ATP8A2: variants seen among roughly 807,000 people sequenced by gnomAD.
ATP8A2 encodes the protein ATPase phospholipid transporting 8A2, also known as phospholipid-transporting ATPase IB.
ATP8A2 carries 100 observed loss-of-function variants against 165.6 expected under a neutral mutation model. The observed-to-expected ratio is 0.60, with a 90% CI of 0.51 to 0.71. ATP8A2 has a LOEUF of 0.71. ATP8A2 is among the 30% of genes least tolerant of loss of function. The pLI, the probability that ATP8A2 is intolerant of heterozygous loss-of-function variation, is 0.00. For missense variants in ATP8A2, 1,227 were observed against 1,479.5 expected, an observed-to-expected ratio of 0.83 and a Z score of 2.80; for synonymous variants, 543 against 548.8, an observed-to-expected ratio of 0.99 and a Z score of 0.15.
chr13:25,891,238 C>T (rs1008224285), intron 33 of ATP8A2, among the ~76,000 whole-genome samples: 6 of 152,170 alleles, frequency 3.9e-5, no homozygotes, highest in East Asian at 1.9e-4. Flanking sequence ...GGCAAAGTTA[C>T]GCCACTCGAA....
intron 24 of ATP8A2, among the ~76,000 whole-genome samples, chr13:25,614,793 C>G (rs1015454674): frequency 2.0e-5 from 3 of 152,210 alleles, no homozygotes; most frequent in African/African-American, 7.2e-5. Context: ...AGCCACCCAG[C>G]AGAGCTGCCT....
intron 33 of ATP8A2, among the ~76,000 whole-genome samples, chr13:25,959,982 G>A (rs1363212602): frequency 6.6e-6 from 1 of 152,226 alleles, no homozygotes; most frequent in African/African-American, 2.4e-5. Flanking sequence ...AGGAAAGCAA[G>A]TCCTCCCATT....
chr13:25,504,225 G>T (rs2036949996), intron 2 of ATP8A2, among the ~76,000 whole-genome samples: 1 of 152,086 alleles, frequency 6.6e-6, no homozygotes, highest in African/African-American at 2.4e-5. Flanking sequence ...TATATAAATG[G>T]TATGAGGATT....
At chr13:25,832,683 A>G (rs557250022) in intron 28 of ATP8A2, among the ~76,000 whole-genome samples, 215 of 152,352 alleles carry the variant, frequency 1.4e-3, no homozygotes, top group Non-Finnish European at 2.4e-3. Flanking sequence ...AAATAGAAAC[A>G]GAAAAAAGCC....
At chr13:25,812,798 C>T (rs1415058759) in intron 27 of ATP8A2, among the ~76,000 whole-genome samples, 1 of 152,034 alleles carries the variant, frequency 6.6e-6, no homozygotes, top group African/African-American at 2.4e-5. Flanking sequence ...ATCCTTGTTT[C>T]TATTCACACT....
chr13:25,484,822 ATTC>A (rs1269906424), intron 2 of ATP8A2, among the ~76,000 whole-genome samples: 1 of 152,180 alleles, frequency 6.6e-6, no homozygotes, highest in African/African-American at 2.4e-5. Context: ...CGGCAGGAAT[ATTC>A]TTTAAATTAT....
intron 2 of ATP8A2, among the ~76,000 whole-genome samples, chr13:25,520,787 AT>A (rs954463142): frequency 1.2e-3 from 169 of 137,442 alleles, no homozygotes; most frequent in African/African-American, 4.2e-3. Flanking sequence ...ATATATATAT[AT>A]TTTTTTTAGT....
rs762204443 is a variant in ATP8A2, at chr13:25,881,595, AAGAG to A, written c.3183+19201_3183+19204del. Among the ~76,000 whole-genome samples the A allele has an allele frequency of 6.7e-5, 10 of 149,480 alleles. No individual in the cohort carries two copies. The South Asian group carries it at 1.5e-3, about 22-fold the overall frequency. On this transcript the variant is annotated intron_variant, in intron 33 of 36. Transcript: ENST00000381655. ...TCCTCCATGGAGAGAGAGAGAGAGA[AAGAG>A]AGAGAGAGAGAGAAAGAGAGAGAGA...
intron 27 of ATP8A2, among the ~76,000 whole-genome samples, chr13:25,781,521 C>G (rs571624289): frequency 1.3e-5 from 2 of 151,910 alleles, no homozygotes; most frequent in African/African-American, 4.8e-5. Context: ...TGGAGTCTCA[C>G]TCTGTCACCC....
chr13:25,984,505 A>G (rs1044788335), intron 35 of ATP8A2, among the ~76,000 whole-genome samples: 1 of 151,950 alleles, frequency 6.6e-6, no homozygotes, highest in East Asian at 2.0e-4. Flanking sequence ...TTGGGAGGCT[A>G]AGGCACGAGA....
At chr13:25,897,656 T>G (rs957809879) in intron 33 of ATP8A2, among the ~76,000 whole-genome samples, 1 of 152,240 alleles carries the variant, frequency 6.6e-6, no homozygotes. Context: ...ATTCTCCCCG[T>G]CACTTTCAGG....
chr13:25,444,141 C>T (rs1169563266), intron 1 of ATP8A2, among the ~76,000 whole-genome samples: 4 of 152,200 alleles, frequency 2.6e-5, no homozygotes, highest in African/African-American at 9.7e-5. Context: ...TTTTTCTCAT[C>T]CATAGATTAG....
At chr13:26,006,503 C>CT (rs536270486) in intron 35 of ATP8A2, among the ~76,000 whole-genome samples, 108 of 151,988 alleles carry the variant, frequency 7.1e-4, no homozygotes, top group African/African-American at 2.5e-3. Flanking sequence ...TATTTTATTT[C>CT]TTTTTCTTGC....
intron 1 of ATP8A2, among the ~76,000 whole-genome samples, chr13:25,441,629 T>G (rs959811060): frequency 1.3e-5 from 2 of 152,198 alleles, no homozygotes; most frequent in African/African-American, 4.8e-5. Context: ...TTATAAACAT[T>G]GTTGTATTTC....
chr13:25,972,794 A>G (rs1955944830), intron 35 of ATP8A2, among the ~76,000 whole-genome samples: 1 of 152,152 alleles, frequency 6.6e-6, no homozygotes, highest in Non-Finnish European at 1.5e-5. Context: ...AAGAAAATCT[A>G]TCTGTGGCCA....
chr13:25,529,862 A>T, intron 2 of ATP8A2, 137 bp from the exon 3 acceptor site: 1 of 558,812 alleles, frequency 1.8e-6, no homozygotes, highest in South Asian at 2.6e-5. Context: ...GAGAAGATAC[A>T]CAGCAATTTC....
intron 1 of ATP8A2, among the ~76,000 whole-genome samples, chr13:25,442,903 T>C (rs77612875): frequency 0.015 from 2,290 of 152,302 alleles, 57 homozygotes; most frequent in African/African-American, 0.052. Context: ...TTTGTTGTTG[T>C]TGTTGATACT....
chr13:25,780,893 G>A (rs374545874), intron 27 of ATP8A2, among the ~76,000 whole-genome samples: 18 of 152,162 alleles, frequency 1.2e-4, no homozygotes, highest in Admixed American at 2.6e-4. Context: ...AACAGCCACC[G>A]ACCAGCACCA....
chr13:25,649,849 G>A (rs1348447096), intron 24 of ATP8A2, among the ~76,000 whole-genome samples: 1 of 152,148 alleles, frequency 6.6e-6, no homozygotes, highest in African/African-American at 2.4e-5. Flanking sequence ...AGCTTTGCCT[G>A]TGAGCTACAC....
Sources: allele counts gnomAD v4.1 joint callset (sites outside exome capture counted in the v4.1 genomes callset), GRCh38; gene constraint gnomAD v4.1.1; transcripts MANE v1.5; gene names NCBI Gene and HGNC (gene_info 2026-07-23, HGNC 2026-07-21).